PPP2R2B: variants seen among roughly 807,000 people sequenced by gnomAD.
The protein encoded by PPP2R2B is serine/threonine-protein phosphatase 2A 55 kDa regulatory subunit B beta isoform.
PPP2R2B carries 5 observed loss-of-function variants against 46.0 expected under a neutral mutation model. The ratio of observed to expected loss-of-function variants is 0.11; its 90% confidence interval spans 0.06 to 0.23. PPP2R2B has a LOEUF of 0.23. Ranked by LOEUF, PPP2R2B falls within the 10% of genes least tolerant of loss-of-function variation. The probability of loss-of-function intolerance (pLI) is 1.00; values close to 1 mark genes in which losing one functional copy is unlikely to be tolerated. For missense variants in PPP2R2B, 367 were observed against 575.0 expected (o/e 0.64, Z 3.70); for synonymous variants, 215 against 206.7 (o/e 1.04, Z -0.34).
At chr5:146,936,646 A>G (rs963112200) in intron 1 of PPP2R2B, among the ~76,000 whole-genome samples, 3 of 152,068 alleles carry the variant, frequency 2.0e-5, no homozygotes, top group Admixed American at 6.6e-5. Context: ...ACATGCACAA[A>G]GCACTAAAGC....
At chr5:146,877,232 T>C (rs1761947059) in intron 2 of PPP2R2B, among the ~76,000 whole-genome samples, 3 of 152,176 alleles carry the variant, frequency 2.0e-5, no homozygotes, top group Non-Finnish European at 4.4e-5. Flanking sequence ...CTAGTGCTTA[T>C]GTCAGAACAA....
At chr5:146,712,495 C>T (rs985466541) in intron 2 of PPP2R2B, among the ~76,000 whole-genome samples, 4 of 152,132 alleles carry the variant, frequency 2.6e-5, no homozygotes, top group Admixed American at 6.5e-5. Flanking sequence ...TTTATCTATC[C>T]ACTGAAAATC....
At chr5:147,009,898 C>CACACACACACACAT (rs781463815) in intron 1 of PPP2R2B, among the ~76,000 whole-genome samples, 63 of 145,612 alleles carry the variant, frequency 4.3e-4, no homozygotes, top group African/African-American at 1.5e-3. Context: ...CACACACACA[C>CACACACACACACAT]ATATATATAT....
rs931868238 is a variant in PPP2R2B at position 146,587,909 on chromosome 5, C to T, written c.*2038G>A. ...TAAGTTTGAGATACAATGATTGGTCCCAACCCCCGACGTGGTACAGACAGA... is the reference window on the plus strand; with the variant it reads ...TAAGTTTGAGATACAATGATTGGTCTCAACCCCCGACGTGGTACAGACAGA... On this transcript the variant is annotated 3_prime_UTR_variant, in exon 10 of 10. Coordinates refer to ENST00000394411, the MANE Select transcript of PPP2R2B (RefSeq NM_181675.4). 6.6e-6 allele frequency: 1 copy of T among 152,038 alleles called. No individual in the cohort carries two copies. The highest frequency in any genetic ancestry group is 1.5e-5 in the Non-Finnish European group (1 of 67,994). 9.4% of individuals were successfully genotyped at this position (152,038 alleles called of 1,614,324 possible).
intron 2 of PPP2R2B, among the ~76,000 whole-genome samples, chr5:146,727,165 G>C (rs534654287): frequency 4.5e-4 from 68 of 151,940 alleles, no homozygotes; most frequent in African/African-American, 1.5e-3. Context: ...CAAGAACAAG[G>C]TCTCATTGTA....
chr5:146,660,342 C>T (rs139711036), intron 5 of PPP2R2B, among the ~76,000 whole-genome samples: 15 of 152,158 alleles, frequency 9.9e-5, no homozygotes, highest in Admixed American at 2.6e-4. Flanking sequence ...TTTTTAAAAA[C>T]GTGAAAAGAA....
chr5:146,908,606 G>T (rs1763079316), intron 1 of PPP2R2B, among the ~76,000 whole-genome samples: 1 of 151,096 alleles, frequency 6.6e-6, no homozygotes, highest in Admixed American at 6.6e-5. Context: ...AAGTTTAGCA[G>T]TCTGCACCCT....
chr5:146,812,559 G>GTA (rs756797458), intron 2 of PPP2R2B, among the ~76,000 whole-genome samples: 3 of 1,834 alleles, frequency 1.6e-3, no homozygotes, highest in African/African-American at 3.3e-3. Flanking sequence ...CCTCAGAAGA[G>GTA]TATATATATA....
chr5:146,956,639 G>A (rs942377258), intron 1 of PPP2R2B, among the ~76,000 whole-genome samples: 4 of 152,128 alleles, frequency 2.6e-5, no homozygotes, highest in Non-Finnish European at 4.4e-5. Context: ...CTTTCCAGAA[G>A]ACAATATGCA....
At chr5:146,740,674 C>T (rs1447762413) in intron 2 of PPP2R2B, among the ~76,000 whole-genome samples, 1 of 151,292 alleles carries the variant, frequency 6.6e-6, no homozygotes, top group Non-Finnish European at 1.5e-5. Flanking sequence ...AATTCCATCT[C>T]AGTGCTGAAA....
Position 146,644,858 on chromosome 5 carries a change from T to C in PPP2R2B, c.625+5689A>G, listed in dbSNP as rs545058212. Among the ~76,000 whole-genome samples the C allele has an allele frequency of 1.1e-4, 16 of 152,354 alleles. No homozygotes were observed. In the South Asian group the frequency reaches 2.1e-3, roughly 20 times the overall value. Reference sequence around the variant, plus strand: ...CATATTTCTCCAAGGATAGGGTTTATATGCATTGCCTTTGTGAGGTGACTT... The same window carrying C: ...CATATTTCTCCAAGGATAGGGTTTACATGCATTGCCTTTGTGAGGTGACTT... On this transcript the variant is annotated intron_variant, in intron 6 of 9. Transcript: ENST00000394411.
At chr5:146,846,570 C>T (rs1162754519) in intron 2 of PPP2R2B, among the ~76,000 whole-genome samples, 1 of 151,680 alleles carries the variant, frequency 6.6e-6, no homozygotes, top group Non-Finnish European at 1.5e-5. Context: ...CCCAGCTACT[C>T]AGGAGGCTGA....
intron 1 of PPP2R2B, among the ~76,000 whole-genome samples, chr5:146,967,390 G>T (rs1300880146): frequency 6.6e-6 from 1 of 152,140 alleles, no homozygotes; most frequent in Non-Finnish European, 1.5e-5. Context: ...GGGTTCAAAT[G>T]ATCTCATTTA....
At chr5:146,696,543 G>A (rs1779194388) in intron 4 of PPP2R2B, among the ~76,000 whole-genome samples, 1 of 152,176 alleles carries the variant, frequency 6.6e-6, no homozygotes, top group Admixed American at 6.5e-5. Context: ...TTTATTCCAA[G>A]TAGTGTTGAA....
At chr5:146,745,142 A>G (rs1753095564) in intron 2 of PPP2R2B, among the ~76,000 whole-genome samples, 1 of 148,986 alleles carries the variant, frequency 6.7e-6, no homozygotes, top group African/African-American at 2.5e-5. Context: ...CCCCAACTCT[A>G]AAACGTGCAG....
chr5:146,922,868 T>A (rs1763654019), intron 1 of PPP2R2B, among the ~76,000 whole-genome samples: 1 of 152,082 alleles, frequency 6.6e-6, no homozygotes. Flanking sequence ...GCTTCCTGGC[T>A]CAGAGAACTA....
intron 2 of PPP2R2B, among the ~76,000 whole-genome samples, chr5:146,742,001 A>G (rs965029082): frequency 1.3e-5 from 2 of 152,182 alleles, no homozygotes; most frequent in Non-Finnish European, 2.9e-5. Context: ...CGAGCCCATT[A>G]GACTATCTTC....
chr5:147,059,422 C>A (rs934627785), upstream of PPP2R2B, among the ~76,000 whole-genome samples: 2 of 152,120 alleles, frequency 1.3e-5, no homozygotes, highest in African/African-American at 4.8e-5. Flanking sequence ...TGGCATTAGT[C>A]TCGGATATAC....
chr5:147,028,878 A>G (rs1755647305), intron 1 of PPP2R2B, among the ~76,000 whole-genome samples: 1 of 152,200 alleles, frequency 6.6e-6, no homozygotes, highest in Non-Finnish European at 1.5e-5. Flanking sequence ...TCTGATCAGT[A>G]TGTCGTGGTA....
Sources: allele counts gnomAD v4.1 joint callset (sites outside exome capture counted in the v4.1 genomes callset), GRCh38; gene constraint gnomAD v4.1.1; transcripts MANE v1.5; gene names NCBI Gene and HGNC (gene_info 2026-07-23, HGNC 2026-07-21).